Variants in ROBO1 observed in about 807,000 individuals in gnomAD.
ROBO1 encodes roundabout guidance receptor 1, also known as roundabout homolog 1.
In ROBO1, 149 loss-of-function variants were observed where a neutral mutation model predicts 195.9. The observed-to-expected ratio is 0.76, with a 90% CI of 0.67 to 0.87. The LOEUF is 0.87. ROBO1 is among the 40% of genes least tolerant of loss of function. ROBO1 has a pLI of 0.00. For missense variants in ROBO1, 1,933 were observed against 2,068.3 expected (o/e 0.93, Z 1.27); for synonymous variants, 816 against 733.2 (o/e 1.11, Z -1.82).
chr3:78,890,872 G>A (rs1035809842), intron 4 of ROBO1, among the ~76,000 whole-genome samples: 7 of 151,924 alleles, frequency 4.6e-5, no homozygotes, highest in Non-Finnish European at 8.8e-5. Context: ...AGTGATCCCC[G>A]TGCCTCAGCC....
At chr3:78,961,217 A>G (rs1282901061) in intron 3 of ROBO1, among the ~76,000 whole-genome samples, 2 of 152,134 alleles carry the variant, frequency 1.3e-5, no homozygotes, top group Admixed American at 1.3e-4. Context: ...CAAAAGCCCT[A>G]CCAAATACAA....
At chr3:78,883,244 T>TAAAA (rs34278886) in intron 4 of ROBO1, among the ~76,000 whole-genome samples, 135 of 147,728 alleles carry the variant, frequency 9.1e-4, no homozygotes, top group Admixed American at 3.9e-3. Flanking sequence ...TTTCTGTTGG[T>TAAAA]AAAAAAAAAA....
At chr3:78,721,786 A>G (rs2082050927) in intron 5 of ROBO1, among the ~76,000 whole-genome samples, 1 of 152,174 alleles carries the variant, frequency 6.6e-6, no homozygotes, top group African/African-American at 2.4e-5. Flanking sequence ...TACTGTTACA[A>G]ATCTTAAATA....
At chr3:78,634,381 TA>T (rs200487470) in intron 23 of ROBO1, 42 of 199,946 alleles carry the variant, frequency 2.1e-4, no homozygotes, top group Non-Finnish European at 3.4e-4. Flanking sequence ...TATCTATGAT[TA>T]AAAAAAACAA....
intron 2 of ROBO1, among the ~76,000 whole-genome samples, chr3:79,233,319 G>A (rs2082352144): frequency 6.6e-6 from 1 of 151,930 alleles, no homozygotes; most frequent in African/African-American, 2.4e-5. Context: ...TAATGACAAA[G>A]GAATTGTAGA....
chr3:79,406,736 A>C (rs1455712391), intron 2 of ROBO1, among the ~76,000 whole-genome samples: 2 of 152,092 alleles, frequency 1.3e-5, no homozygotes, highest in African/African-American at 4.8e-5. Context: ...CTTTTGGAGC[A>C]TTTATGTACA....
chr3:79,020,801 C>CA (rs1016984905), intron 3 of ROBO1, among the ~76,000 whole-genome samples: 2 of 151,796 alleles, frequency 1.3e-5, no homozygotes, highest in African/African-American at 2.4e-5. Flanking sequence ...ACCATAACTT[C>CA]AAAAAAAATT....
intron 3 of ROBO1, among the ~76,000 whole-genome samples, chr3:79,081,006 T>C (rs2108461701): frequency 6.6e-6 from 1 of 152,226 alleles, no homozygotes; most frequent in African/African-American, 2.4e-5. Context: ...TGAAGAGTTA[T>C]GCCTCACCTT....
At chr3:79,310,801 T>C (rs192600841) in intron 2 of ROBO1, among the ~76,000 whole-genome samples, 27 of 152,322 alleles carry the variant, frequency 1.8e-4, no homozygotes, top group African/African-American at 6.0e-4. Context: ...AAGTTTGTAT[T>C]TCAATAAGGC....
chr3:78,903,570 C>T (rs938985437), intron 4 of ROBO1, among the ~76,000 whole-genome samples: 6 of 151,712 alleles, frequency 4.0e-5, no homozygotes, highest in Admixed American at 6.6e-5. Context: ...CACACACACA[C>T]ACACACACAC....
chr3:79,493,036 T>G (rs1939548385), intron 2 of ROBO1, among the ~76,000 whole-genome samples: 2 of 151,918 alleles, frequency 1.3e-5, no homozygotes, highest in South Asian at 2.1e-4. Flanking sequence ...ATATAAATAA[T>G]AAGAAGCAAA....
At chr3:78,634,500 G>T in intron 23 of ROBO1, 1 of 364,400 alleles carries the variant, frequency 2.7e-6, no homozygotes, top group Non-Finnish European at 5.8e-6. Flanking sequence ...TCGTCTAGTT[G>T]CATTCCAGGT....
intron 1 of ROBO1, among the ~76,000 whole-genome samples, chr3:79,686,079 A>G (rs985692861): frequency 1.3e-5 from 2 of 152,218 alleles, no homozygotes; most frequent in African/African-American, 4.8e-5. Flanking sequence ...TATGCAAATC[A>G]ATAAACATAA....
rs187267843 is a variant in ROBO1, at chr3:79,065,930, T to C, written c.172+59526A>G. Among the ~76,000 whole-genome samples the C allele has an allele frequency of 1.6e-3, 249 of 152,044 alleles. 1 individual carries two copies. The Middle Eastern group carries it at 0.024, about 15-fold the overall frequency. ...ACGTACAATTAGAATTTACAATTTT[T>C]TAACCCCCTAAGGAATTGATGAATT... On this transcript the variant is annotated intron_variant, in intron 3 of 30. Coordinates refer to ENST00000464233, the MANE Select transcript of ROBO1 (RefSeq NM_002941.4).
chr3:78,630,556 C>T (rs1004766165), intron 25 of ROBO1, among the ~76,000 whole-genome samples: 1 of 152,076 alleles, frequency 6.6e-6, no homozygotes, highest in African/African-American at 2.4e-5. Context: ...AGTTTTCCCC[C>T]TTTGGTTATG....
chr3:79,205,908 T>C (rs1015108621), intron 2 of ROBO1, among the ~76,000 whole-genome samples: 1 of 152,212 alleles, frequency 6.6e-6, no homozygotes, highest in Non-Finnish European at 1.5e-5. Context: ...CAATCTGAAG[T>C]CACCTAAAGG....
chr3:79,125,883 T>C (rs2080206772), intron 2 of ROBO1, among the ~76,000 whole-genome samples: 1 of 152,070 alleles, frequency 6.6e-6, no homozygotes, highest in Non-Finnish European at 1.5e-5. Flanking sequence ...GAGGGCAGGG[T>C]GGCTGAATGC....
intron 1 of ROBO1, among the ~76,000 whole-genome samples, chr3:79,651,451 TGAGA>T (rs1946005537): frequency 2.0e-5 from 3 of 152,216 alleles, no homozygotes; most frequent in Non-Finnish European, 2.9e-5. Context: ...AAATTATGTG[TGAGA>T]GAGTTAATTT....
At chr3:79,296,387 T>G (rs1031393262) in intron 2 of ROBO1, among the ~76,000 whole-genome samples, 2 of 152,178 alleles carry the variant, frequency 1.3e-5, no homozygotes, top group African/African-American at 4.8e-5. Context: ...TATACAAACC[T>G]TAAATAATTA....
Sources: gnomAD v4.1 joint callset for allele counts (sites outside exome capture counted in the v4.1 genomes callset) on GRCh38, gnomAD v4.1.1 for gene constraint, MANE v1.5 for transcripts, NCBI Gene and HGNC (gene_info 2026-07-23, HGNC 2026-07-21) for gene names.